Variants in BANK1 observed in about 807,000 individuals in gnomAD.
BANK1 encodes the protein B cell scaffold protein with ankyrin repeats 1, also known as B-cell scaffold protein with ankyrin repeats.
Under a neutral mutation model 94.5 loss-of-function variants are expected in BANK1, and 95 were observed. The observed-to-expected ratio is 1.00, with a 90% CI of 0.85 to 1.19. The LOEUF (loss-of-function observed/expected upper bound fraction) is 1.19, where lower values mean the gene tolerates loss of function less well. Among genes scored for constraint, BANK1 ranks in the 50% most tolerant of loss-of-function variants. BANK1 has a pLI of 0.00. For missense variants in BANK1, 987 were observed against 932.2 expected (o/e 1.06, Z -0.77); for synonymous variants, 334 against 308.4 (o/e 1.08, Z -0.87).
At chr4:101,989,567 G>C (rs1455875752) in intron 7 of BANK1, among the ~76,000 whole-genome samples, 1 of 150,874 alleles carries the variant, frequency 6.6e-6, no homozygotes, top group Non-Finnish European at 1.5e-5. Flanking sequence ...TATACTTTTT[G>C]GGGGCCAAGA....
chr4:101,964,453 C>A (rs1488848928), intron 7 of BANK1, among the ~76,000 whole-genome samples: 1 of 151,890 alleles, frequency 6.6e-6, no homozygotes, highest in Non-Finnish European at 1.5e-5. Flanking sequence ...TCTTTTCTGG[C>A]TGTTAGAATG....
At chr4:101,835,244 C>T (rs1171832157) in intron 2 of BANK1, among the ~76,000 whole-genome samples, 1 of 152,186 alleles carries the variant, frequency 6.6e-6, no homozygotes, top group East Asian at 1.9e-4. Context: ...ACTGCCGTTT[C>T]TGAATATCAC....
At chr4:101,870,358 C>A in intron 4 of BANK1, 147 bp from the exon 5 acceptor site, 1 of 647,138 alleles carries the variant, frequency 1.5e-6, no homozygotes, top group Non-Finnish European at 2.3e-6. Flanking sequence ...TTTCCAACTA[C>A]CAAGAATTTT....
intron 2 of BANK1, among the ~76,000 whole-genome samples, chr4:101,854,111 CT>C (rs1727594108): frequency 6.6e-6 from 1 of 152,114 alleles, no homozygotes; most frequent in African/African-American, 2.4e-5. Flanking sequence ...TAGTTTCTAA[CT>C]GTCAGGGGCT....
chr4:101,793,240 G>T (rs941965535), intron 1 of BANK1, among the ~76,000 whole-genome samples: 3 of 152,134 alleles, frequency 2.0e-5, no homozygotes, highest in African/African-American at 7.2e-5. Context: ...CTGCTCTCTA[G>T]CTTGAAGTTC....
At chr4:102,061,225 A>G (rs1728408586) in intron 12 of BANK1, among the ~76,000 whole-genome samples, 1 of 152,216 alleles carries the variant, frequency 6.6e-6, no homozygotes, top group African/African-American at 2.4e-5. Context: ...GATGCTTAGG[A>G]AAACATTTTT....
intron 7 of BANK1, among the ~76,000 whole-genome samples, chr4:101,950,066 TGCGCGC>T (rs1271693112): frequency 3.1e-4 from 38 of 121,960 alleles, no homozygotes; most frequent in African/African-American, 1.4e-3. Context: ...TGTGTGCGCG[TGCGCGC>T]GCATGTGCCT....
At chr4:101,992,705 A>G (rs947948304) in intron 7 of BANK1, among the ~76,000 whole-genome samples, 14 of 152,228 alleles carry the variant, frequency 9.2e-5, no homozygotes. Context: ...ACAAGATGAT[A>G]CATTTCCCAA....
intron 11 of BANK1, among the ~76,000 whole-genome samples, chr4:102,051,955 C>A (rs1236556542): frequency 1.3e-5 from 2 of 152,090 alleles, no homozygotes; most frequent in African/African-American, 2.4e-5. Context: ...CTGCATTAGA[C>A]AAAACCTGCT....
In BANK1 at chr4:101,934,245, AT is replaced by A. The variant is rs548625479; in HGVS notation, c.1206+16066del. Among the ~76,000 whole-genome samples, 71 of 150,114 alleles carry A rather than the reference AT, an allele frequency of 4.7e-4. 1 individual carries two copies. Among genetic ancestry groups the A allele is most frequent in the East Asian group, 4.3e-3 (22 of 5,074 alleles). On this transcript the variant is annotated intron_variant, in intron 7 of 16. Transcript: ENST00000322953. ...AATATTTTGAAACAGCTTAGTATTA[AT>A]TTTTTTTTTAAAAGACTGCAGTCCT...
In BANK1 at chr4:101,807,919, A is replaced by G. The variant is rs190401300; in HGVS notation, c.70+16969A>G. ...AACATGGTGAAACCCCGTCTCTACT[A>G]AAAATAAAAAAAAAAATTAGCTGGC... On this transcript the variant is annotated intron_variant, in intron 1 of 16. Transcript: ENST00000322953. Among the ~76,000 whole-genome samples the G allele has an allele frequency of 1.5e-4, 22 of 150,694 alleles. No homozygotes were observed. The East Asian group carries it at 3.5e-3, about 24-fold the overall frequency.
chr4:102,029,420 T>C (rs980968236), intron 9 of BANK1, among the ~76,000 whole-genome samples: 9 of 151,816 alleles, frequency 5.9e-5, no homozygotes, highest in Non-Finnish European at 1.0e-4. Flanking sequence ...AAGAATATTA[T>C]GCTTGAAAAA....
intron 2 of BANK1, among the ~76,000 whole-genome samples, chr4:101,850,592 C>T (rs1727436189): frequency 6.6e-6 from 1 of 152,098 alleles, no homozygotes; most frequent in East Asian, 1.9e-4. Context: ...CTGTGCTTTG[C>T]TTTTTTGTGC....
intron 2 of BANK1, among the ~76,000 whole-genome samples, chr4:101,850,335 G>A (rs1339077909): frequency 6.6e-6 from 1 of 152,038 alleles, no homozygotes; most frequent in Non-Finnish European, 1.5e-5. Context: ...ACAGTGGTGT[G>A]ATCTAGGCTC....
At chr4:101,914,985 G>C (rs1465124198) in intron 6 of BANK1, among the ~76,000 whole-genome samples, 1 of 152,126 alleles carries the variant, frequency 6.6e-6, no homozygotes, top group East Asian at 1.9e-4. Context: ...TTTGACCCCA[G>C]CTGGGAATGT....
chr4:101,845,482 C>A (rs759391869), intron 2 of BANK1, among the ~76,000 whole-genome samples: 1 of 152,112 alleles, frequency 6.6e-6, no homozygotes, highest in African/African-American at 2.4e-5. Flanking sequence ...GAATTTGAAG[C>A]TACTTGAGAG....
At chr4:101,826,062 A>G (rs1055488877) in intron 1 of BANK1, among the ~76,000 whole-genome samples, 3 of 152,074 alleles carry the variant, frequency 2.0e-5, no homozygotes, top group Non-Finnish European at 2.9e-5. Context: ...TTTAAATTAT[A>G]GAGTCAAAAA....
At chr4:101,890,395 C>G (rs1560618727) in intron 5 of BANK1, among the ~76,000 whole-genome samples, 2 of 151,684 alleles carry the variant, frequency 1.3e-5, no homozygotes, top group African/African-American at 4.8e-5. Context: ...GATGGATTGA[C>G]TCTATCATTA....
At chr4:101,935,135 A>G (rs1486402508) in intron 7 of BANK1, among the ~76,000 whole-genome samples, 1 of 151,608 alleles carries the variant, frequency 6.6e-6, no homozygotes, top group Non-Finnish European at 1.5e-5. Context: ...TATAAGTACC[A>G]TGAGGACAGG....
Sources: gnomAD v4.1 joint callset for allele counts (sites outside exome capture counted in the v4.1 genomes callset) on GRCh38, gnomAD v4.1.1 for gene constraint, MANE v1.5 for transcripts, NCBI Gene and HGNC (gene_info 2026-07-23, HGNC 2026-07-21) for gene names.